The following KANTR variants were observed in gnomAD, a reference collection of about 807,000 sequenced individuals.
KANTR encodes the protein KDM5C adjacent transcript.
intron 2 of KANTR, among the ~76,000 whole-genome samples, chrX:53,140,317 A>G (rs1933483980): frequency 9.0e-6 from 1 of 111,368 alleles, no homozygotes; most frequent in Non-Finnish European, 1.9e-5. Context: ...CCTGGCCATC[A>G]TGGCGAAACC....
intron 2 of KANTR, among the ~76,000 whole-genome samples, chrX:53,103,380 A>G (rs1377915875): frequency 9.0e-6 from 1 of 110,807 alleles, no homozygotes; most frequent in Non-Finnish European, 1.9e-5. Flanking sequence ...GCTCACGCCT[A>G]CTAGTACTCC....
chrX:53,111,300 G>A (rs782214155), intron 2 of KANTR, among the ~76,000 whole-genome samples: 1 of 110,660 alleles, frequency 9.0e-6, no homozygotes, highest in Non-Finnish European at 1.9e-5. Flanking sequence ...AGGAGTACAG[G>A]CCTGAGCCAC....
rs189668557 is a variant in KANTR at position 53,106,136 on chromosome X, C to T, written c.-805+6528C>T. On this transcript the variant is annotated intron_variant, in intron 2 of 2. Coordinates refer to ENST00000604062, the Ensembl canonical transcript of KANTR. Reference sequence around the variant, plus strand: ...CCTCCCAAAGTGCTGGGATTACAGGCGTGAGCCACCGCGCCTGGCCAGATA... The same window carrying T: ...CCTCCCAAAGTGCTGGGATTACAGGTGTGAGCCACCGCGCCTGGCCAGATA... 8.9e-3 allele frequency among the ~76,000 whole-genome samples: 975 copies of T among 109,373 alleles called. 51 individuals are homozygous for T. The highest frequency in any genetic ancestry group is 0.032 in the African/African-American group (923 of 29,132). The allele number at this position is 109,373 out of a possible 115,157, so 95.0% of individuals were successfully genotyped here.
At chrX:53,124,134 C>T in exon 3 of KANTR, 1 of 290,663 alleles carries the variant, frequency 3.4e-6, no homozygotes. Context: ...AGCTATGGAA[C>T]TGTTGAGGAT....
intron 2 of KANTR, among the ~76,000 whole-genome samples, chrX:53,112,155 A>G (rs1933051715): frequency 9.3e-6 from 1 of 107,664 alleles, no homozygotes; most frequent in African/African-American, 3.4e-5. Flanking sequence ...CCCAAAGTCC[A>G]TTGTGTCATT....
chrX:53,108,651 G>A lies in KANTR; in HGVS notation c.-805+9043G>A, dbSNP rs1449835021. On this transcript the variant is annotated intron_variant, in intron 2 of 2. Coordinates refer to ENST00000604062, the Ensembl canonical transcript of KANTR. ...TTCCTTGGGATTTTTAAATATACAAGATCATGTTATCTCTAAATAGAGATA... is the reference window on the plus strand; with the variant it reads ...TTCCTTGGGATTTTTAAATATACAAAATCATGTTATCTCTAAATAGAGATA... Among the ~76,000 whole-genome samples the A allele has an allele frequency of 3.6e-5, 4 of 110,834 alleles. No homozygotes were observed. In the East Asian group the frequency reaches 1.1e-3, roughly 31 times the overall value.
At chrX:53,141,014 A>T (rs1556818388) in intron 2 of KANTR, among the ~76,000 whole-genome samples, 1 of 111,186 alleles carries the variant, frequency 9.0e-6, no homozygotes, top group African/African-American at 3.3e-5. Context: ...ATACGAAATT[A>T]GCCAGATGTG....
At chrX:53,131,304 G>A, downstream of KANTR, among the ~76,000 whole-genome samples, 1 of 111,433 alleles carries the variant, frequency 9.0e-6, no homozygotes, top group Middle Eastern at 4.6e-3. Flanking sequence ...GCGTGGTGGG[G>A]AGGCCAATTT....
chrX:53,135,959 G>T (rs782022112), intron 2 of KANTR, among the ~76,000 whole-genome samples: 12 of 112,064 alleles, frequency 1.1e-4, no homozygotes, highest in Non-Finnish European at 2.1e-4. Flanking sequence ...GCCAACCACA[G>T]TCTATACAAC....
exon 3 of KANTR, chrX:53,141,901 G>T: frequency 2.0e-6 from 1 of 509,272 alleles, no homozygotes; most frequent in Non-Finnish European, 2.6e-6. Context: ...ACGGTGTTCT[G>T]GCAGGAAAAC....
rs148059709 is a variant in KANTR, at chrX:53,139,714, A to G, written n.204-2134A>G. Among the ~76,000 whole-genome samples, 128 of 111,535 alleles carry G rather than the reference A, an allele frequency of 1.1e-3. 1 individual carries two copies. In the East Asian group the frequency reaches 0.022, roughly 19 times the overall value. On this transcript the variant is annotated intron_variant and non_coding_transcript_variant, in intron 2 of 2. Coordinates refer to the KANTR transcript ENST00000366185. ...GTGGCACATGCCAGTCATCCTAGCT[A>G]CTTTGGGAGGCTAAGGTGGGAGGAT... is the stretch of plus-strand genomic sequence containing the variant.
intron 2 of KANTR, among the ~76,000 whole-genome samples, chrX:53,105,507 GGA>G (rs1932938126): frequency 1.1e-5 from 1 of 88,618 alleles, no homozygotes; most frequent in Non-Finnish European, 2.2e-5. Flanking sequence ...TTTTTTTTTT[GGA>G]GACGGAGTCT....
chrX:53,135,097 G>A (rs1337897771), intron 2 of KANTR, among the ~76,000 whole-genome samples: 6 of 111,730 alleles, frequency 5.4e-5, no homozygotes, highest in Non-Finnish European at 3.8e-5. Flanking sequence ...TGCATCCCTC[G>A]GTTCATTAGC....
downstream of KANTR, among the ~76,000 whole-genome samples, chrX:53,129,953 G>A (rs887521353): frequency 6.2e-4 from 68 of 109,030 alleles, no homozygotes; most frequent in Non-Finnish European, 1.1e-3. Flanking sequence ...TTCAACCTTC[G>A]CCTCCTGGGT....
exon 3 of KANTR, chrX:53,124,069 T>TTTGG: frequency 3.9e-6 from 1 of 257,835 alleles, no homozygotes; most frequent in Non-Finnish European, 6.9e-6. Flanking sequence ...CTATTTTTTG[T>TTTGG]TTGTTTGTTT....
intron 2 of KANTR, chrX:53,113,294 A>G: frequency 6.2e-6 from 1 of 160,246 alleles, no homozygotes; most frequent in Non-Finnish European, 1.2e-5. Flanking sequence ...GCCTATAGCA[A>G]CCAACCAAGC....
chrX:53,100,215 T>G (rs1356059839), intron 2 of KANTR, among the ~76,000 whole-genome samples: 1 of 112,321 alleles, frequency 8.9e-6, no homozygotes, highest in Non-Finnish European at 1.9e-5. Context: ...GTGCGGTGGC[T>G]CACGCCTGTA....
At chrX:53,105,441 A>G (rs1932936773) in intron 2 of KANTR, among the ~76,000 whole-genome samples, 1 of 110,007 alleles carries the variant, frequency 9.1e-6, no homozygotes, top group South Asian at 3.8e-4. Context: ...TCAAATTCTT[A>G]GCCCATTTTT....
intron 3 of KANTR, among the ~76,000 whole-genome samples, chrX:53,147,863 G>C: frequency 8.9e-6 from 1 of 111,872 alleles, no homozygotes; most frequent in Non-Finnish European, 1.9e-5. Context: ...GCTCCTGAAA[G>C]ACTACTGGGT....
Sources: gnomAD v4.1 joint callset for allele counts (sites outside exome capture counted in the v4.1 genomes callset) on GRCh38, gnomAD v4.1.1 for gene constraint, MANE v1.5 for transcripts, NCBI Gene and HGNC (gene_info 2026-07-23, HGNC 2026-07-21) for gene names.